Variants in KIRREL3 observed in about 807,000 individuals in gnomAD.
KIRREL3 encodes kirre like nephrin family adhesion molecule 3.
In KIRREL3, 36 loss-of-function variants were observed where a neutral mutation model predicts 89.7. The ratio of observed to expected loss-of-function variants is 0.40; its 90% CI spans 0.31 to 0.53. KIRREL3 has a LOEUF of 0.53. Among genes scored for constraint, KIRREL3 ranks in the 20% least tolerant of loss-of-function variants. KIRREL3 has a pLI of 0.49. For missense variants in KIRREL3, 864 were observed against 1,056.6 expected (o/e 0.82, Z 2.53); for synonymous variants, 445 against 441.4 (o/e 1.01, Z -0.10).
intron 1 of KIRREL3, among the ~76,000 whole-genome samples, chr11:126,785,872 C>CAAA (rs34526435): frequency 6.1e-4 from 23 of 37,806 alleles, no homozygotes; most frequent in South Asian, 1.9e-3. Context: ...GACTCCGTCT[C>CAAA]AAAAAAAAAA....
intron 1 of KIRREL3, among the ~76,000 whole-genome samples, chr11:126,662,333 G>A (rs1239658495): frequency 1.3e-5 from 2 of 152,348 alleles, no homozygotes; most frequent in East Asian, 3.9e-4. Flanking sequence ...CAGGCCCCTT[G>A]GAGAGCACTA....
chr11:126,642,101 G>T lies in KIRREL3; in HGVS notation c.56-79189C>A, dbSNP rs374108833. Among the ~76,000 whole-genome samples, 1 of 152,350 alleles carries T rather than the reference G, an allele frequency of 6.6e-6. No homozygotes were observed. The highest frequency in any genetic ancestry group is 2.4e-5 in the African/African-American group (1 of 41,574). On this transcript the variant is annotated intron_variant, in intron 1 of 16. Coordinates refer to ENST00000525144, the MANE Select transcript of KIRREL3 (RefSeq NM_032531.4). This position sits in a 1 kb window ranked among gnomAD's most constrained non-coding sequence, Gnocchi z 4.9. ...CTGGGCTGTTCACAGAGAGCCAGAG[G>T]CCCCTTTGGAAAGGGTGGATCTCCA...
intron 1 of KIRREL3, among the ~76,000 whole-genome samples, chr11:126,973,430 C>T (rs1171430663): frequency 6.6e-6 from 1 of 152,186 alleles, no homozygotes; most frequent in Non-Finnish European, 1.5e-5. Context: ...ATAAGGTCAA[C>T]TACTTGGAAG....
chr11:126,494,526 A>AT (rs1173759680), intron 4 of KIRREL3, among the ~76,000 whole-genome samples: 1 of 152,038 alleles, frequency 6.6e-6, no homozygotes, highest in South Asian at 2.1e-4. Flanking sequence ...CTTATCATGG[A>AT]TTTTTTCACA....
intron 1 of KIRREL3, among the ~76,000 whole-genome samples, chr11:126,665,020 C>T (rs937443257): frequency 2.2e-4 from 34 of 152,310 alleles, no homozygotes; most frequent in Admixed American, 2.2e-3. Flanking sequence ...AATGAGCAGA[C>T]ACTCTACTTT....
chr11:126,458,940 A>G (rs1956458739), intron 6 of KIRREL3, among the ~76,000 whole-genome samples: 1 of 152,080 alleles, frequency 6.6e-6, no homozygotes, highest in African/African-American at 2.4e-5. Context: ...CCCTCTTTCC[A>G]TGCAGGGCTG....
At position 126,903,735 on chromosome 11, in the gene KIRREL3, G is replaced by A. The variant is rs528911961; in HGVS notation, c.55+96720C>T. ...AAATGAGATATGTTGGGCCACCAAC[G>A]CTTTCTGTAATCACCTTAATAGGTC... On this transcript the variant is annotated intron_variant, in intron 1 of 16. Transcript: ENST00000525144. This position sits in a 1 kb window ranked among gnomAD's most constrained non-coding sequence, Gnocchi z 4.5. Among the ~76,000 whole-genome samples the A allele has an allele frequency of 6.6e-6, 1 of 152,300 alleles. No homozygotes were observed. The highest frequency in any genetic ancestry group is 2.4e-5 in the African/African-American group (1 of 41,572).
chr11:126,488,180 C>T (rs1377322144), intron 4 of KIRREL3, among the ~76,000 whole-genome samples: 1 of 152,248 alleles, frequency 6.6e-6, no homozygotes, highest in Non-Finnish European at 1.5e-5. Context: ...AGGGACTCCT[C>T]ATCTGGCTCT....
At chr11:126,743,961 C>T (rs911671778) in intron 1 of KIRREL3, among the ~76,000 whole-genome samples, 1 of 152,158 alleles carries the variant, frequency 6.6e-6, no homozygotes, top group Non-Finnish European at 1.5e-5. Flanking sequence ...GGGGAGACTA[C>T]TATATTTCTG....
intron 1 of KIRREL3, among the ~76,000 whole-genome samples, chr11:126,600,080 T>C (rs983822307): frequency 2.6e-5 from 4 of 152,236 alleles, no homozygotes; most frequent in African/African-American, 9.6e-5. Context: ...TCTCTTTTTC[T>C]CTCTGTCTCT....
rs590563 is a variant in KIRREL3 at position 126,622,175 on chromosome 11, A to T, written c.56-59263T>A. ...TCACACTGCATTTACAAGGTGTTTT[A>T]CATACAGTAATTGTTCACTTGCTAA... is the stretch of plus-strand genomic sequence containing the variant. On this transcript the variant is annotated intron_variant, in intron 1 of 16. Transcript: ENST00000525144. This position sits in a 1 kb window ranked among gnomAD's most constrained non-coding sequence, Gnocchi z 5.2. Among the ~76,000 whole-genome samples the T allele has an allele frequency of 1.3e-5, 2 of 152,246 alleles. No individual in the cohort carries two copies. Among genetic ancestry groups the T allele is most frequent in the African/African-American group, 4.8e-5 (2 of 41,460 alleles).
At chr11:126,596,248 G>A (rs998276541) in intron 1 of KIRREL3, among the ~76,000 whole-genome samples, 2 of 151,910 alleles carry the variant, frequency 1.3e-5, no homozygotes, top group African/African-American at 2.4e-5. Flanking sequence ...GTTCACTGCC[G>A]CATCCTTAGA....
chr11:126,892,125 C>T lies in KIRREL3; in HGVS notation c.55+108330G>A, dbSNP rs1480927119. On this transcript the variant is annotated intron_variant, in intron 1 of 16. Transcript: ENST00000525144. This position sits in a 1 kb window ranked among gnomAD's most constrained non-coding sequence, Gnocchi z 5.4. ...ACTTAGCCTCCCTTGGCCTCAATGGCTTCTTGGTGATCTTCCAATAATTTT... is the reference window on the plus strand; with the variant it reads ...ACTTAGCCTCCCTTGGCCTCAATGGTTTCTTGGTGATCTTCCAATAATTTT... Among the ~76,000 whole-genome samples the T allele has an allele frequency of 1.3e-5, 2 of 152,196 alleles. No homozygotes were observed. Among genetic ancestry groups the T allele is most frequent in the Non-Finnish European group, 2.9e-5 (2 of 68,028 alleles).
intron 1 of KIRREL3, among the ~76,000 whole-genome samples, chr11:126,845,942 G>GA (rs996199280): frequency 6.6e-6 from 1 of 151,926 alleles, no homozygotes; most frequent in Non-Finnish European, 1.5e-5. Flanking sequence ...TGTTTGGGGG[G>GA]AAAAAACACA....
Position 126,497,249 on chromosome 11 carries a change from TGC to T in KIRREL3, c.434-23785_434-23784del, listed in dbSNP as rs796653240. Among the ~76,000 whole-genome samples, 323 of 151,512 alleles carry T rather than the reference TGC, an allele frequency of 2.1e-3. 1 individual carries two copies. Among genetic ancestry groups the T allele is most frequent in the Middle Eastern group, 0.01 (3 of 294 alleles). On this transcript the variant is annotated intron_variant, in intron 4 of 16. Coordinates refer to ENST00000525144, the MANE Select transcript of KIRREL3 (RefSeq NM_032531.4). ...GTGTGTGTGAGACAGTGTGAGTGTG[TGC>T]GTGACAGTGTGAGTGTCTGTGTGAC...
In KIRREL3 at chr11:126,622,959, C is replaced by T. The variant is rs1393439058; in HGVS notation, c.56-60047G>A. Among the ~76,000 whole-genome samples, 1 of 152,106 alleles carries T rather than the reference C, an allele frequency of 6.6e-6. No individual in the cohort carries two copies. ...GTACCTAGAGGTTAAGTATTTTGCC[C>T]AAGGTCACACAGCTAGAGAGTGGTA... On this transcript the variant is annotated intron_variant, in intron 1 of 16. Transcript: ENST00000525144. The surrounding 1 kb of genome is among the most constrained non-coding windows in gnomAD (Gnocchi z 5.2).
At position 126,668,103 on chromosome 11, in the gene KIRREL3, A is replaced by G. The variant is rs1429288984; in HGVS notation, c.56-105191T>C. ...TCAGTTTCGGCTATAACAAAACACCATAAACTGGGTGGTTTATAAACAACA... is the reference window on the plus strand; with the variant it reads ...TCAGTTTCGGCTATAACAAAACACCGTAAACTGGGTGGTTTATAAACAACA... On this transcript the variant is annotated intron_variant, in intron 1 of 16. Coordinates refer to ENST00000525144, the MANE Select transcript of KIRREL3 (RefSeq NM_032531.4). This position sits in a 1 kb window ranked among gnomAD's most constrained non-coding sequence, Gnocchi z 4.4. 1.3e-5 allele frequency among the ~76,000 whole-genome samples: 2 copies of G among 152,198 alleles called. No individual in the cohort carries two copies. The highest frequency in any genetic ancestry group is 2.4e-5 in the African/African-American group (1 of 41,450).
chr11:126,901,100 G>A (rs967240101), intron 1 of KIRREL3, among the ~76,000 whole-genome samples: 3 of 151,686 alleles, frequency 2.0e-5, no homozygotes, highest in Non-Finnish European at 4.4e-5. Flanking sequence ...TGTAACCCCA[G>A]CTACTCAGGA....
chr11:126,923,390 CTCTTCT>C (rs1947551005), intron 1 of KIRREL3, among the ~76,000 whole-genome samples: 1 of 656 alleles, frequency 1.5e-3, no homozygotes, highest in South Asian at 0.05. Flanking sequence ...CTTCTTCTTC[CTCTTCT>C]TTCTTCTTCT....
Sources: gnomAD v4.1 joint callset for allele counts (sites outside exome capture counted in the v4.1 genomes callset) on GRCh38, gnomAD v4.1.1 for gene constraint, Gnocchi (gnomAD v3.1) non-coding constraint, MANE v1.5 for transcripts, NCBI Gene and HGNC (gene_info 2026-07-23, HGNC 2026-07-21) for gene names.